VPS41: variants seen among roughly 807,000 people sequenced by gnomAD.
VPS41 encodes vacuolar protein sorting-associated protein 41 homolog.
VPS41 carries 85 observed loss-of-function variants against 130.9 expected under a neutral mutation model. The ratio of observed to expected loss-of-function variants is 0.65; its 90% CI spans 0.55 to 0.78. The LOEUF is 0.78. Ranked by LOEUF, VPS41 falls within the 30% of genes least tolerant of loss-of-function variation. VPS41 has a pLI of 0.00. For synonymous variants in VPS41, 335 were observed against 332.9 expected (o/e 1.01, Z -0.07); for missense variants, 874 against 1,018.7 (o/e 0.86, Z 1.93).
intron 10 of VPS41, among the ~76,000 whole-genome samples, chr7:38,777,589 C>A (rs1784282892): frequency 6.6e-6 from 1 of 152,174 alleles, no homozygotes; most frequent in South Asian, 2.1e-4. Flanking sequence ...CTAACTGATA[C>A]AGTAGTGGTA....
intron 4 of VPS41, among the ~76,000 whole-genome samples, chr7:38,851,023 T>C (rs1460655966): frequency 6.6e-6 from 1 of 152,102 alleles, no homozygotes; most frequent in Non-Finnish European, 1.5e-5. Context: ...GTCCAGGTGA[T>C]TTCACCTCAT....
intron 1 of VPS41, among the ~76,000 whole-genome samples, chr7:38,904,416 A>C (rs1278283431): frequency 6.6e-6 from 1 of 151,616 alleles, no homozygotes; most frequent in Non-Finnish European, 1.5e-5. Flanking sequence ...AATCTGTCTG[A>C]TTCTATACTT....
At chr7:38,769,936 G>A (rs963642259) in intron 14 of VPS41, among the ~76,000 whole-genome samples, 6 of 152,068 alleles carry the variant, frequency 3.9e-5, no homozygotes, top group African/African-American at 7.2e-5. Flanking sequence ...TCTTAATTAC[G>A]AACGGCACTT....
chr7:38,878,651 T>C (rs953503602), intron 2 of VPS41, among the ~76,000 whole-genome samples: 5 of 152,302 alleles, frequency 3.3e-5, no homozygotes, highest in Admixed American at 2.6e-4. Flanking sequence ...CTGACGTCAT[T>C]TGATAAGTCA....
chr7:38,755,049 A>C, intron 19 of VPS41, 113 bp from the exon 20 acceptor site: 2 of 904,488 alleles, frequency 2.2e-6, no homozygotes, highest in South Asian at 1.6e-5. Flanking sequence ...TATTTTGTAT[A>C]CTTAAGGAGG....
At position 38,818,295 on chromosome 7, in the gene VPS41, T is replaced by G. The variant is rs552585810; in HGVS notation, c.385-413A>C. On this transcript the variant is annotated intron_variant, in intron 6 of 28. Transcript: ENST00000310301. ...AAGCCAACTAACTCCTTGTCCAAGA[T>G]GACTCTCAATGATAGACGGCACCAA... 1.7e-3 allele frequency among the ~76,000 whole-genome samples: 250 copies of G among 149,634 alleles called. 2 individuals are homozygous for G. Among genetic ancestry groups the G allele is most frequent in the African/African-American group, 5.6e-3 (230 of 40,790 alleles).
chr7:38,837,094 G>C (rs1008288503), intron 4 of VPS41, among the ~76,000 whole-genome samples: 1 of 152,166 alleles, frequency 6.6e-6, no homozygotes, highest in African/African-American at 2.4e-5. Context: ...TATGTAGTAA[G>C]GTATTTGGCT....
intron 1 of VPS41, among the ~76,000 whole-genome samples, chr7:38,901,769 C>T (rs190743063): frequency 6.6e-6 from 1 of 152,270 alleles, no homozygotes; most frequent in Admixed American, 6.5e-5. Flanking sequence ...GGGTGGCTCA[C>T]ACCTGTAATC....
Position 38,722,978 on chromosome 7 carries a change from T to C in VPS41, c.*3268A>G, listed in dbSNP as rs1795467930. The C allele has an allele frequency of 6.6e-6, 1 of 152,134 alleles. No individual in the cohort carries two copies. The highest frequency in any genetic ancestry group is 2.1e-4 in the South Asian group (1 of 4,830). 9.4% of individuals were successfully genotyped at this position (152,134 alleles called of 1,614,324 possible). A position where few individuals can be genotyped will look rare whatever the true frequency, so the allele number is the denominator to read the frequency against. Reference sequence around the variant, plus strand: ...GACATAAATAGACCATTAACACATATTTTATATTTTATTTATATTATATGC... The same window carrying C: ...GACATAAATAGACCATTAACACATACTTTATATTTTATTTATATTATATGC... On this transcript the variant is annotated 3_prime_UTR_variant, in exon 29 of 29. Coordinates refer to ENST00000310301, the MANE Select transcript of VPS41 (RefSeq NM_014396.4).
chr7:38,762,376 A>C (rs575400894), intron 17 of VPS41, among the ~76,000 whole-genome samples: 2 of 152,318 alleles, frequency 1.3e-5, no homozygotes, highest in Admixed American at 6.5e-5. Flanking sequence ...GAAATCATCC[A>C]ATTTTTAACA....
intron 4 of VPS41, among the ~76,000 whole-genome samples, chr7:38,830,784 C>T (rs947731227): frequency 4.6e-5 from 7 of 152,096 alleles, no homozygotes; most frequent in African/African-American, 1.4e-4. Context: ...ACCACATGAG[C>T]GACACCCCTG....
At chr7:38,764,580 T>C (rs1044301478) in intron 16 of VPS41, among the ~76,000 whole-genome samples, 4 of 151,940 alleles carry the variant, frequency 2.6e-5, no homozygotes, top group Non-Finnish European at 4.4e-5. Flanking sequence ...GTTAAGGCAA[T>C]GGTACCACAG....
intron 22 of VPS41, chr7:38,745,843 CAT>C: frequency 2.2e-6 from 1 of 455,648 alleles, no homozygotes; most frequent in Non-Finnish European, 3.8e-6. Flanking sequence ...CTACTCAGAA[CAT>C]TTCATGAGCA....
chr7:38,799,861 A>C (rs1045073758), intron 7 of VPS41, among the ~76,000 whole-genome samples: 1 of 152,182 alleles, frequency 6.6e-6, no homozygotes, highest in Non-Finnish European at 1.5e-5. Flanking sequence ...TAGATGAAGG[A>C]AAAAGAATGA....
intron 7 of VPS41, among the ~76,000 whole-genome samples, chr7:38,807,502 C>T (rs1784863534): frequency 6.6e-6 from 1 of 152,148 alleles, no homozygotes; most frequent in Non-Finnish European, 1.5e-5. Context: ...ACTCATTTTC[C>T]TGTCAAGTCA....
chr7:38,880,726 A>G lies in VPS41; in HGVS notation c.61-11473T>C, dbSNP rs920465175. 2.4e-4 allele frequency among the ~76,000 whole-genome samples: 36 copies of G among 152,214 alleles called. 1 individual carries two copies. Among genetic ancestry groups the G allele is most frequent in the African/African-American group, 8.4e-4 (35 of 41,444 alleles). ...TAAAAACGGCTGCACTGAAACTGAA[A>G]TAGCTCATGGATGAAAGAAACCTTT... is the stretch of plus-strand genomic sequence containing the variant. On this transcript the variant is annotated intron_variant, in intron 2 of 28. Transcript: ENST00000310301.
chr7:38,909,181 A>G lies in VPS41; in HGVS notation c.-7T>C, dbSNP rs1183764090. 1.2e-6 allele frequency: 2 copies of G among 1,614,092 alleles called. No individual in the cohort carries two copies. The highest frequency in any genetic ancestry group is 4.5e-5 in the East Asian group (2 of 44,876). ...GCTCCTCTGCTTCCGCCATGGCGCC[A>G]CGGGAGAGTCACCTGACAGACCCGG... On this transcript the variant is annotated 5_prime_UTR_variant, in exon 1 of 29. Transcript: ENST00000310301.
chr7:38,889,573 A>C (rs10225693), intron 2 of VPS41, among the ~76,000 whole-genome samples: 123,197 of 145,494 alleles, frequency 0.85, 52,184 homozygotes, highest in Admixed American at 0.89. Flanking sequence ...AAAAAAAAAA[A>C]ACCTTAAAAC....
chr7:38,770,441 T>A (rs886704488), intron 14 of VPS41, among the ~76,000 whole-genome samples: 1 of 151,816 alleles, frequency 6.6e-6, no homozygotes, highest in Admixed American at 6.6e-5. Context: ...TTTTTTTTTT[T>A]AAGATGCTCT....
Sources: gnomAD v4.1 joint callset for allele counts (sites outside exome capture counted in the v4.1 genomes callset) on GRCh38, gnomAD v4.1.1 for gene constraint, MANE v1.5 for transcripts, NCBI Gene and HGNC (gene_info 2026-07-23, HGNC 2026-07-21) for gene names.